The following KCNB2 variants were observed in gnomAD, a reference collection of about 807,000 sequenced individuals.
KCNB2 encodes the protein potassium voltage-gated channel subfamily B member 2, also known as delayed rectifier potassium channel protein.
A neutral mutation model predicts 61.5 loss-of-function variants in KCNB2; 15 were observed. The ratio of observed to expected loss-of-function variants is 0.24; its 90% CI spans 0.16 to 0.38. KCNB2 has a LOEUF of 0.38. Ranked by LOEUF, KCNB2 falls within the 10% of genes least tolerant of loss-of-function variation. The pLI, the probability that KCNB2 is intolerant of heterozygous loss-of-function variation, is 1.00. For synonymous variants in KCNB2, 457 were observed against 446.0 expected, an observed-to-expected ratio of 1.02 and a Z score of -0.31; for missense variants, 828 against 1,125.2, an observed-to-expected ratio of 0.74 and a Z score of 3.78.
At chr8:72,644,196 A>C (rs919329101) in intron 2 of KCNB2, among the ~76,000 whole-genome samples, 1 of 152,048 alleles carries the variant, frequency 6.6e-6, no homozygotes, top group Non-Finnish European at 1.5e-5. Flanking sequence ...TTAATTACCC[A>C]TGTGCACTAT....
intron 2 of KCNB2, among the ~76,000 whole-genome samples, chr8:72,585,161 G>A (rs1349060722): frequency 1.3e-5 from 2 of 152,030 alleles, no homozygotes; most frequent in Non-Finnish European, 2.9e-5. Flanking sequence ...CACTAAATAA[G>A]GGGTTTTTTT....
rs1806941775 is a variant in KCNB2, at chr8:72,937,451, G to T, written c.2096G>T (p.Ser699Ile). Residue 699 changes from serine (S) to isoleucine (I), a missense_variant, in exon 3 of 3, where the codon AGT (serine) becomes ATT (isoleucine). Coordinates refer to ENST00000523207, the MANE Select transcript of KCNB2 (RefSeq NM_004770.3). ...SPLQSDNATD[S>I]PKSSLKGSNP... ...TTGCAGTCTGACAATGCCACCGACA[G>T]TCCTAAGAGCTCTCTAAAAGGCAGC... 2 of 1,613,836 alleles carry T rather than the reference G, an allele frequency of 1.2e-6. No homozygotes were observed.
In KCNB2 at chr8:72,567,782, G is replaced by C. The variant is rs750155750; in HGVS notation, c.48G>C (p.Ser16=). 6.2e-7 allele frequency: 1 copy of C among 1,607,656 alleles called. No individual in the cohort carries two copies. Among genetic ancestry groups the C allele is most frequent in the Non-Finnish European group, 8.5e-7 (1 of 1,177,340 alleles). Reference sequence around the variant, plus strand: ...GCTTAAACAGGAAGACTTCAAGGTCGACACTTTCCCTTCCTCCAGAGCCTG... The same window carrying C: ...GCTTAAACAGGAAGACTTCAAGGTCCACACTTTCCCTTCCTCCAGAGCCTG... ...PPGLNRKTSR[S]TLSLPPEPVD... The change falls in exon 2 of 3, where the codon TCG becomes TCC. Residue 16 remains serine (S), a synonymous_variant. Transcript: ENST00000523207.
chr8:72,651,232 T>C (rs1386870455), intron 2 of KCNB2, among the ~76,000 whole-genome samples: 1 of 152,190 alleles, frequency 6.6e-6, no homozygotes, highest in Non-Finnish European at 1.5e-5. Flanking sequence ...TCTACAAGCC[T>C]TATAAAAATA....
At chr8:72,584,980 C>T (rs920399013) in intron 2 of KCNB2, among the ~76,000 whole-genome samples, 10 of 152,276 alleles carry the variant, frequency 6.6e-5, no homozygotes, top group African/African-American at 1.9e-4. Context: ...GGAGCCTCAC[C>T]TTGCTGAATA....
At chr8:72,777,892 G>A (rs1298721626) in intron 2 of KCNB2, among the ~76,000 whole-genome samples, 1 of 152,100 alleles carries the variant, frequency 6.6e-6, no homozygotes, top group African/African-American at 2.4e-5. Flanking sequence ...ATTTGTTACT[G>A]CTTCTGAGGA....
At chr8:72,549,500 A>G (rs573621104) in intron 1 of KCNB2, among the ~76,000 whole-genome samples, 1 of 152,308 alleles carries the variant, frequency 6.6e-6, no homozygotes, top group African/African-American at 2.4e-5. Context: ...CTAGTCAGAT[A>G]CCACTCTATC....
intron 2 of KCNB2, among the ~76,000 whole-genome samples, chr8:72,736,960 G>A (rs189280600): frequency 3.7e-4 from 56 of 151,706 alleles, no homozygotes; most frequent in East Asian, 1.7e-3. Flanking sequence ...ATACATTTAT[G>A]TATGTTACAT....
chr8:72,538,188 C>T (rs1485910574), intron 1 of KCNB2, among the ~76,000 whole-genome samples: 1 of 152,120 alleles, frequency 6.6e-6, no homozygotes, highest in Non-Finnish European at 1.5e-5. Context: ...TTGGTAAATG[C>T]CACACTCACA....
chr8:72,841,724 GCTGT>G (rs139374318), intron 2 of KCNB2, among the ~76,000 whole-genome samples: 123,163 of 148,486 alleles, frequency 0.83, 51,510 homozygotes, highest in Middle Eastern at 0.95. Context: ...TCATGATTTG[GCTGT>G]CTGTCTATTA....
intron 2 of KCNB2, among the ~76,000 whole-genome samples, chr8:72,660,395 G>A (rs1806359646): frequency 6.6e-6 from 1 of 152,166 alleles, no homozygotes; most frequent in African/African-American, 2.4e-5. Flanking sequence ...TGGTTCACGT[G>A]GGATGCTGGA....
chr8:72,728,738 C>T lies in KCNB2; in HGVS notation c.579+160425C>T, dbSNP rs980959540. The stretch of plus-strand genomic sequence containing the variant: ...AGGGAAAGTAATACAAGAGAAGTTA[C>T]TGAAAAGGAGTAACATTTAGACTGG... On this transcript the variant is annotated intron_variant, in intron 2 of 2. Coordinates refer to ENST00000523207, the MANE Select transcript of KCNB2 (RefSeq NM_004770.3). Among the ~76,000 whole-genome samples the T allele has an allele frequency of 5.9e-5, 9 of 151,990 alleles. No individual in the cohort carries two copies. In the South Asian group the frequency reaches 1.0e-3, roughly 18 times the overall value.
intron 2 of KCNB2, among the ~76,000 whole-genome samples, chr8:72,618,098 G>A (rs1805650184): frequency 6.6e-6 from 1 of 151,994 alleles, no homozygotes; most frequent in Admixed American, 6.6e-5. Flanking sequence ...GGCTGCATCT[G>A]TATGGTGGGA....
At chr8:72,552,934 T>G (rs2128977476) in intron 1 of KCNB2, among the ~76,000 whole-genome samples, 1 of 152,284 alleles carries the variant, frequency 6.6e-6, no homozygotes, top group East Asian at 1.9e-4. Context: ...TGTTTCCTTT[T>G]TTGACGTCTA....
At chr8:72,767,481 G>A (rs1033589095) in intron 2 of KCNB2, among the ~76,000 whole-genome samples, 1 of 152,142 alleles carries the variant, frequency 6.6e-6, no homozygotes, top group African/African-American at 2.4e-5. Context: ...CATACAATAT[G>A]TGATCTTTTG....
rs149680451 is a variant in KCNB2 at position 72,770,563 on chromosome 8, C to G, written c.580-165372C>G. Among the ~76,000 whole-genome samples the G allele has an allele frequency of 6.1e-4, 93 of 152,292 alleles. 1 individual carries two copies. Among genetic ancestry groups the G allele is most frequent in the African/African-American group, 2.1e-3 (88 of 41,552 alleles). On this transcript the variant is annotated intron_variant, in intron 2 of 2. Transcript: ENST00000523207. The stretch of plus-strand genomic sequence containing the variant: ...CATGGTCATGCTATATAAATTTAAA[C>G]TTGGTGTTTGTCACTTACCGGCTAT...
intron 2 of KCNB2, among the ~76,000 whole-genome samples, chr8:72,582,083 C>CT (rs1197926680): frequency 6.6e-6 from 1 of 152,192 alleles, no homozygotes; most frequent in African/African-American, 2.4e-5. Flanking sequence ...ACCAACTCGT[C>CT]TGAGTCTAAT....
intron 2 of KCNB2, among the ~76,000 whole-genome samples, chr8:72,624,664 T>C (rs1805762029): frequency 1.3e-5 from 2 of 152,224 alleles, no homozygotes; most frequent in African/African-American, 4.8e-5. Flanking sequence ...CAACACATCA[T>C]ATTGAGCATT....
At chr8:72,868,684 A>T (rs1192091635) in intron 2 of KCNB2, among the ~76,000 whole-genome samples, 1 of 152,196 alleles carries the variant, frequency 6.6e-6, no homozygotes, top group Admixed American at 6.6e-5. Flanking sequence ...TTAAGTGAAC[A>T]TTTTTATAAT....
Sources: allele counts gnomAD v4.1 joint callset (sites outside exome capture counted in the v4.1 genomes callset), GRCh38; gene constraint gnomAD v4.1.1; transcripts MANE v1.5; gene names NCBI Gene and HGNC (gene_info 2026-07-23, HGNC 2026-07-21).